The following SLC12A3 variants were observed in gnomAD, a reference collection of about 807,000 sequenced individuals.
SLC12A3 encodes the protein Na-Cl cotransporter.
Under a neutral mutation model 121.0 loss-of-function variants are expected in SLC12A3, and 104 were observed. The observed-to-expected ratio is 0.86, with a 90% CI of 0.73 to 1.01. The LOEUF (loss-of-function observed/expected upper bound fraction) is 1.01. Ranked by LOEUF, SLC12A3 falls within the 50% of genes least tolerant of loss-of-function variation. The pLI is 0.00. For synonymous variants in SLC12A3, 536 were observed against 533.4 expected, an observed-to-expected ratio of 1.00 and a Z score of -0.07; for missense variants, 1,328 against 1,356.3, an observed-to-expected ratio of 0.98 and a Z score of 0.33.
intron 8 of SLC12A3, 150 bp downstream of exon 8, chr16:56,872,936 A>G (rs896601288): frequency 2.0e-6 from 2 of 991,826 alleles, no homozygotes; most frequent in Admixed American, 3.9e-5. Flanking sequence ...GTTCAACCCA[A>G]TCCAACCGAT....
At chr16:56,904,647 C>A in intron 25 of SLC12A3, 185 bp downstream of exon 25, 1 of 614,550 alleles carries the variant, frequency 1.6e-6, no homozygotes, top group South Asian at 1.7e-5. Context: ...GCCCGCCCCA[C>A]ACCTGAGCTC....
intron 3 of SLC12A3, 53 bp downstream of exon 3, chr16:56,868,425 C>T (rs1964412675): frequency 1.3e-6 from 2 of 1,525,744 alleles, no homozygotes; most frequent in East Asian, 4.7e-5. Context: ...TCCCATTCTT[C>T]CCAGCTTGCC....
chr16:56,882,366 G>A, intron 12 of SLC12A3, 30 bp from the exon 13 acceptor site: 1 of 1,584,074 alleles, frequency 6.3e-7, no homozygotes, highest in East Asian at 2.2e-5. Context: ...TGCCCAACAG[G>A]CTGTCCTCTC....
chr16:56,869,523 T>C (rs1463442028), intron 3 of SLC12A3, among the ~76,000 whole-genome samples: 1 of 152,184 alleles, frequency 6.6e-6, no homozygotes, highest in East Asian at 1.9e-4. Flanking sequence ...AGACGGGGTT[T>C]CACCATGTTG....
chr16:56,902,531 G>GTGCC, intron 24 of SLC12A3, 23 bp downstream of exon 24: 12 of 714,524 alleles, frequency 1.7e-5, no homozygotes, highest in East Asian at 8.3e-5. Context: ...GTGGGGGTGG[G>GTGCC]AAACGCGACA....
At chr16:56,887,884 C>G (rs1200227235) in intron 17 of SLC12A3, 41 bp from the exon 18 acceptor site, 1 of 1,486,790 alleles carries the variant, frequency 6.7e-7, no homozygotes, top group Non-Finnish European at 9.3e-7. Context: ...CCAACTCTGC[C>G]CCTCTGATGG....
chr16:56,879,363 G>GAGCCC lies in SLC12A3; in HGVS notation c.1335+139_1335+143dup. 2.4e-6 allele frequency: 3 copies of GAGCCC among 1,257,684 alleles called. No individual in the cohort carries two copies. In the Admixed American group the frequency reaches 5.7e-5, roughly 24 times the overall value. The allele number at this position is 1,257,684 out of a possible 1,614,324, so 77.9% of individuals were successfully genotyped here. On this transcript the variant is annotated intron_variant, in intron 10 of 25. Transcript: ENST00000563236. Reference sequence around the variant, plus strand: ...CCTAGGCTTAGGAGAGAGGGGTTCAGAGCCCAGGTCTGTCCAGTCCCGACT... The same window carrying GAGCCC: ...CCTAGGCTTAGGAGAGAGGGGTTCAGAGCCCAGCCCAGGTCTGTCCAGTCCCGACT...
At position 56,913,845 on chromosome 16, in the gene SLC12A3, T is replaced by C; in HGVS notation, c.*440T>C. The C allele has an allele frequency of 3.6e-6, 1 of 278,852 alleles. No homozygotes were observed. Among genetic ancestry groups the C allele is most frequent in the Non-Finnish European group, 7.0e-6 (1 of 143,488 alleles). 17.3% of individuals were successfully genotyped at this position (278,852 alleles called of 1,614,324 possible). A position where few individuals can be genotyped will look rare whatever the true frequency, so the allele number is the denominator to read the frequency against. On this transcript the variant is annotated 3_prime_UTR_variant, in exon 26 of 26. Transcript: ENST00000563236. Reference sequence around the variant, plus strand: ...AATAGGAGAATGGGAGCCTCACCTGTAGGACCTACAGGCTCTCTAAGGAAT... The same window carrying C: ...AATAGGAGAATGGGAGCCTCACCTGCAGGACCTACAGGCTCTCTAAGGAAT...
At chr16:56,873,546 C>T (rs1360179145) in intron 8 of SLC12A3, among the ~76,000 whole-genome samples, 3 of 149,574 alleles carry the variant, frequency 2.0e-5, no homozygotes, top group Non-Finnish European at 3.0e-5. Context: ...GCCACCGCAC[C>T]CGGTTAATAT....
Position 56,879,226 on chromosome 16 carries a change from AGGTACT to A in SLC12A3, c.1335+1_1335+6del, listed in dbSNP as rs759801838. The A allele has an allele frequency of 3.7e-6, 6 of 1,613,810 alleles. No individual in the cohort carries two copies. In the South Asian group the frequency reaches 6.6e-5, roughly 18 times the overall value. ...CACTACGGCCTCATCAACTATTACC[AGGTACT>A]GCCAGGAGAGCTGACCCACCAGACA... On this transcript the variant is annotated splice_donor_variant and splice_donor_5th_base_variant and coding_sequence_variant and intron_variant, in exon 10 of 26. Transcript: ENST00000563236. LOFTEE classifies it high-confidence loss of function.
chr16:56,872,599 A>G lies in SLC12A3; in HGVS notation c.965-57A>G, dbSNP rs1806929582. On this transcript the variant is annotated intron_variant, in intron 7 of 25. Transcript: ENST00000563236. Reference sequence around the variant, plus strand: ...AGGGGCTGCCTGCCCAGTGGGTCCCAGCAAGGGGGGTCAAGCCCTCCAGGT... The same window carrying G: ...AGGGGCTGCCTGCCCAGTGGGTCCCGGCAAGGGGGGTCAAGCCCTCCAGGT... The G allele has an allele frequency of 6.2e-6, 10 of 1,613,564 alleles. No homozygotes were observed. In the Admixed American group the frequency reaches 1.7e-4, roughly 27 times the overall value.
chr16:56,871,711 CTTTATTTA>C (rs111753122), intron 6 of SLC12A3, among the ~76,000 whole-genome samples: 3 of 151,984 alleles, frequency 2.0e-5, no homozygotes, highest in Middle Eastern at 3.2e-3. Flanking sequence ...ACTCCCTCTT[CTTTATTTA>C]TTTATTTATT....
intron 8 of SLC12A3, 40 bp from the exon 9 acceptor site, chr16:56,878,037 T>TACCAACC: frequency 4.7e-6 from 2 of 421,398 alleles, no homozygotes; most frequent in Middle Eastern, 5.7e-4. Context: ...CCTCCCTCTC[T>TACCAACC]CCCTCCCTCC....
intron 5 of SLC12A3, 79 bp from the exon 6 acceptor site, chr16:56,870,547 G>T (rs1469965640): frequency 4.1e-6 from 4 of 966,990 alleles, no homozygotes; most frequent in Non-Finnish European, 6.8e-6. Flanking sequence ...CGCACAGGAG[G>T]TGCCTCCTAG....
Position 56,878,071 on chromosome 16 carries a change from C to T in SLC12A3, c.1096-6C>T. On this transcript the variant is annotated splice_polypyrimidine_tract_variant and splice_region_variant and intron_variant, in intron 8 of 25. Transcript: ENST00000563236. ...CCCTCCCTCCCTCTCTCCCTCCCTCCTTCAGGACCCTGCTATAGCCATCCC... is the reference window on the plus strand; with the variant it reads ...CCCTCCCTCCCTCTCTCCCTCCCTCTTTCAGGACCCTGCTATAGCCATCCC... 1 of 1,445,178 alleles carries T rather than the reference C, an allele frequency of 6.9e-7. No homozygotes were observed. Among genetic ancestry groups the T allele is most frequent in the Non-Finnish European group, 9.5e-7 (1 of 1,049,308 alleles). 89.5% of individuals were successfully genotyped at this position (1,445,178 alleles called of 1,614,324 possible). A position where few individuals can be genotyped will look rare whatever the true frequency, so the allele number is the denominator to read the frequency against.
chr16:56,873,366 C>G (rs2055124119), intron 8 of SLC12A3, among the ~76,000 whole-genome samples: 1 of 107,430 alleles, frequency 9.3e-6, no homozygotes, highest in Non-Finnish European at 1.9e-5. Context: ...TTCTGTTTCT[C>G]TTTCTTTCTT....
rs756508866 is a variant in SLC12A3, at chr16:56,865,415, G to A, written c.180G>A (p.Thr60=). Residue 60 remains threonine, a synonymous_variant, in exon 1 of 26, where the codon ACG becomes ACA. Coordinates refer to ENST00000563236, the MANE Select transcript of SLC12A3 (RefSeq NM_001126108.2). ...GCATGCGCACCTTTGGCTACAACAC[G>A]ATCGATGTGGTGCCCACATATGAGC... The part of the protein sequence containing the change: ...TFCMRTFGYN[T]IDVVPTYEHY... The A allele has an allele frequency of 8.1e-6, 13 of 1,614,184 alleles. No individual in the cohort carries two copies. Among genetic ancestry groups the A allele is most frequent in the Non-Finnish European group, 1.1e-5 (13 of 1,180,036 alleles).
At chr16:56,892,031 G>T in intron 19 of SLC12A3, 52 bp from the exon 20 acceptor site, 1 of 1,389,276 alleles carries the variant, frequency 7.2e-7, no homozygotes, top group Non-Finnish European at 1.0e-6. Flanking sequence ...AGGAACCCAC[G>T]GTGCCCTCAG....
At chr16:56,888,549 ATTTTTTTTTTTT>A (rs749206626) in intron 18 of SLC12A3, among the ~76,000 whole-genome samples, 6 of 85,920 alleles carry the variant, frequency 7.0e-5, no homozygotes, top group African/African-American at 2.8e-4. Flanking sequence ...AGATCTTTTA[ATTTTTTTTTTTT>A]TTTTTTTTTT....
Sources: allele counts gnomAD v4.1 joint callset (sites outside exome capture counted in the v4.1 genomes callset), GRCh38; gene constraint gnomAD v4.1.1; transcripts MANE v1.5; gene names NCBI Gene and HGNC (gene_info 2026-07-23, HGNC 2026-07-21).